Variants in GALNTL6 observed in about 807,000 individuals in gnomAD.
The protein encoded by GALNTL6 is polypeptide N-acetylgalactosaminyltransferase like 6.
A neutral mutation model predicts 73.7 loss-of-function variants in GALNTL6; 46 were observed. That is an observed-to-expected ratio of 0.62 (90% CI 0.49 to 0.80). The LOEUF (loss-of-function observed/expected upper bound fraction) is 0.80, where lower values mean the gene tolerates loss of function less well. Ranked by LOEUF, GALNTL6 falls within the 30% of genes least tolerant of loss-of-function variation. GALNTL6 has a pLI of 0.00. For missense variants in GALNTL6, 604 were observed against 755.0 expected (o/e 0.80, Z 2.34); for synonymous variants, 259 against 263.7 (o/e 0.98, Z 0.17).
intron 8 of GALNTL6, among the ~76,000 whole-genome samples, chr4:172,895,407 T>G (rs938085882): frequency 4.7e-5 from 7 of 150,198 alleles, no homozygotes; most frequent in Non-Finnish European, 8.9e-5. Flanking sequence ...TATATATTTT[T>G]TTTTTGCTTT....
chr4:172,856,997 G>T (rs1167048361), intron 7 of GALNTL6, among the ~76,000 whole-genome samples: 4 of 152,174 alleles, frequency 2.6e-5, no homozygotes, highest in Non-Finnish European at 5.9e-5. Context: ...CCACACATCT[G>T]CCTCCTCAGT....
chr4:172,136,641 GTTAAT>G (rs1378599958), intron 2 of GALNTL6, among the ~76,000 whole-genome samples: 1 of 151,842 alleles, frequency 6.6e-6, no homozygotes, highest in East Asian at 1.9e-4. Context: ...TTTTGAAAAT[GTTAAT>G]TTAGTTTATT....
chr4:172,146,280 T>C (rs1733926081), intron 2 of GALNTL6, among the ~76,000 whole-genome samples: 1 of 152,180 alleles, frequency 6.6e-6, no homozygotes, highest in Non-Finnish European at 1.5e-5. Context: ...TCTTTTGCGT[T>C]CTTTATGACA....
chr4:171,926,490 T>A (rs111651859), intron 2 of GALNTL6, among the ~76,000 whole-genome samples: 124 of 152,236 alleles, frequency 8.1e-4, no homozygotes, highest in African/African-American at 2.7e-3. Flanking sequence ...GAATTCCAAC[T>A]GCTACTTATG....
intron 5 of GALNTL6, among the ~76,000 whole-genome samples, chr4:172,580,666 G>A (rs1353854340): frequency 6.6e-6 from 1 of 152,176 alleles, no homozygotes; most frequent in Non-Finnish European, 1.5e-5. Context: ...GAATAATTCA[G>A]CACCTACTAG....
In GALNTL6 at chr4:172,825,187, A is replaced by G. The variant is rs976721647; in HGVS notation, c.923+11464A>G. Reference sequence around the variant, plus strand: ...TTGGTATAGATCCACCTGGAAATACATTTAAGAGAAAGAAATGTCTGTTTT... The same window carrying G: ...TTGGTATAGATCCACCTGGAAATACGTTTAAGAGAAAGAAATGTCTGTTTT... On this transcript the variant is annotated intron_variant, in intron 7 of 12. Transcript: ENST00000506823. 1.4e-4 allele frequency among the ~76,000 whole-genome samples: 21 copies of G among 148,218 alleles called. No homozygotes were observed. The Admixed American group carries it at 1.4e-3, about 10-fold the overall frequency.
chr4:172,239,349 C>T (rs537612597), intron 3 of GALNTL6, among the ~76,000 whole-genome samples: 1 of 152,180 alleles, frequency 6.6e-6, no homozygotes, highest in East Asian at 1.9e-4. Context: ...GAAATTTATC[C>T]GTTTCTTCTA....
chr4:171,911,342 A>G (rs1737471493), intron 2 of GALNTL6, among the ~76,000 whole-genome samples: 2 of 152,054 alleles, frequency 1.3e-5, no homozygotes, highest in Admixed American at 1.3e-4. Flanking sequence ...GTATTTTTGT[A>G]GAAATGAGAT....
intron 2 of GALNTL6, among the ~76,000 whole-genome samples, chr4:172,033,445 A>T (rs1741832213): frequency 2.0e-5 from 3 of 152,094 alleles, no homozygotes; most frequent in Admixed American, 1.3e-4. Flanking sequence ...TTTCTACACT[A>T]AAAAATTAGA....
chr4:172,155,391 A>C (rs879389877), intron 2 of GALNTL6, among the ~76,000 whole-genome samples: 2 of 152,182 alleles, frequency 1.3e-5, no homozygotes, highest in African/African-American at 2.4e-5. Flanking sequence ...ACGAAAGAAG[A>C]AGCCCTCACC....
chr4:172,776,497 T>C (rs1235429648), intron 5 of GALNTL6, among the ~76,000 whole-genome samples: 1 of 152,254 alleles, frequency 6.6e-6, no homozygotes, highest in African/African-American at 2.4e-5. Flanking sequence ...TCAGTTAACA[T>C]TCATTATTTA....
At chr4:172,411,157 G>A (rs1302115789) in intron 5 of GALNTL6, among the ~76,000 whole-genome samples, 2 of 152,116 alleles carry the variant, frequency 1.3e-5, no homozygotes, top group Non-Finnish European at 2.9e-5. Context: ...CAGCAAACAT[G>A]AATGTGTGTT....
At chr4:172,658,496 A>G (rs973540051) in intron 5 of GALNTL6, among the ~76,000 whole-genome samples, 7 of 151,994 alleles carry the variant, frequency 4.6e-5, no homozygotes, top group African/African-American at 1.4e-4. Flanking sequence ...GAAAAAGAAA[A>G]AAAAAAGAAA....
chr4:172,214,770 C>T (rs1357002116), intron 2 of GALNTL6, among the ~76,000 whole-genome samples: 1 of 152,080 alleles, frequency 6.6e-6, no homozygotes, highest in Admixed American at 6.6e-5. Context: ...GCCTTGGCCT[C>T]TCAAAGTGCT....
intron 5 of GALNTL6, among the ~76,000 whole-genome samples, chr4:172,432,576 G>A (rs1156751432): frequency 6.6e-6 from 1 of 151,974 alleles, no homozygotes; most frequent in African/African-American, 2.4e-5. Context: ...AAATGGACAT[G>A]ACAAAATTTT....
intron 3 of GALNTL6, among the ~76,000 whole-genome samples, chr4:172,290,688 G>A (rs1378677981): frequency 6.6e-6 from 1 of 151,838 alleles, no homozygotes; most frequent in Admixed American, 6.6e-5. Flanking sequence ...CTAATAGAGT[G>A]TAGCATTTGG....
At chr4:172,943,559 C>A (rs1235309793) in intron 9 of GALNTL6, among the ~76,000 whole-genome samples, 2 of 152,182 alleles carry the variant, frequency 1.3e-5, no homozygotes, top group African/African-American at 4.8e-5. Flanking sequence ...CTTTCATCAG[C>A]AACATTCAGA....
intron 8 of GALNTL6, among the ~76,000 whole-genome samples, chr4:172,919,273 G>T (rs1747676888): frequency 6.6e-6 from 1 of 152,220 alleles, no homozygotes; most frequent in Non-Finnish European, 1.5e-5. Context: ...TTGGTGGCCT[G>T]AGGGCCTCAA....
chr4:171,825,717 C>A (rs748324877), intron 2 of GALNTL6, among the ~76,000 whole-genome samples: 1 of 152,094 alleles, frequency 6.6e-6, no homozygotes, highest in East Asian at 1.9e-4. Context: ...CTTCTTAGAG[C>A]CTTTTCTTTT....
Sources: gnomAD v4.1 joint callset for allele counts (sites outside exome capture counted in the v4.1 genomes callset) on GRCh38, gnomAD v4.1.1 for gene constraint, MANE v1.5 for transcripts, NCBI Gene and HGNC (gene_info 2026-07-23, HGNC 2026-07-21) for gene names.